Variants in ARSG observed in about 807,000 individuals in gnomAD.
The protein encoded by ARSG is arylsulfatase G, also known as ASG.
ARSG carries 37 observed loss-of-function variants against 50.5 expected under a neutral mutation model. The ratio of observed to expected loss-of-function variants is 0.73; its 90% CI spans 0.56 to 0.96. The LOEUF is 0.96. ARSG is among the 50% of genes least tolerant of loss of function. The pLI is 0.00. For missense variants in ARSG, 629 were observed against 675.3 expected, an observed-to-expected ratio of 0.93 and a Z score of 0.76; for synonymous variants, 225 against 254.6, an observed-to-expected ratio of 0.88 and a Z score of 1.11.
chr17:68,345,890 A>T (rs1164068969), intron 3 of ARSG, among the ~76,000 whole-genome samples: 1 of 151,966 alleles, frequency 6.6e-6, no homozygotes, highest in Non-Finnish European at 1.5e-5. Flanking sequence ...TTTTTTATTT[A>T]TTTGGGACAA....
intron 1 of ARSG, among the ~76,000 whole-genome samples, chr17:68,266,762 G>C (rs1303567435): frequency 6.6e-6 from 1 of 151,934 alleles, no homozygotes; most frequent in Non-Finnish European, 1.5e-5. Flanking sequence ...AGTGAGCTGA[G>C]ATTGTGCCAT....
chr17:68,389,323 C>T (rs79870580), intron 9 of ARSG, among the ~76,000 whole-genome samples: 3,644 of 152,184 alleles, frequency 0.024, 147 homozygotes, highest in African/African-American at 0.083. Context: ...CCTGCAACCC[C>T]GGTTCTCCCT....
chr17:68,423,893 T>C (rs148014557), downstream of ARSG, among the ~76,000 whole-genome samples: 48 of 152,326 alleles, frequency 3.2e-4, no homozygotes, highest in African/African-American at 1.1e-3. The surrounding 1 kb of genome is among the most constrained non-coding windows in gnomAD (Gnocchi z 4.4). Context: ...AAGAATCTAA[T>C]AATATTTTAT....
At chr17:68,276,734 G>A (rs576847098) in intron 1 of ARSG, among the ~76,000 whole-genome samples, 21 of 152,140 alleles carry the variant, frequency 1.4e-4, no homozygotes, top group Admixed American at 1.1e-3. Flanking sequence ...GATTACAGGC[G>A]TGAGCCACCA....
intron 9 of ARSG, among the ~76,000 whole-genome samples, chr17:68,387,115 A>G (rs1287820752): frequency 7.1e-6 from 1 of 140,944 alleles, no homozygotes; most frequent in Non-Finnish European, 1.5e-5. Context: ...ACACACACAC[A>G]CACATACCTT....
Position 68,418,292 on chromosome 17 carries a change from G to A in ARSG, c.1304-1897G>A, listed in dbSNP as rs369298005. Reference sequence around the variant, plus strand: ...CCTTAGTTTTACACTTTGTTAGGACGAGTCTTTCAGATTTTTCCCTTGATC... The same window carrying A: ...CCTTAGTTTTACACTTTGTTAGGACAAGTCTTTCAGATTTTTCCCTTGATC... On this transcript the variant is annotated intron_variant, in intron 11 of 11. Transcript: ENST00000621439. Among the ~76,000 whole-genome samples, 18 of 152,276 alleles carry A rather than the reference G, an allele frequency of 1.2e-4. No homozygotes were observed. In the South Asian group the frequency reaches 3.7e-3, roughly 32 times the overall value.
chr17:68,344,818 A>G (rs1373113476), intron 3 of ARSG, among the ~76,000 whole-genome samples: 1 of 152,204 alleles, frequency 6.6e-6, no homozygotes, highest in Admixed American at 6.5e-5. Context: ...TGCAACCACA[A>G]GCGGGTGGCC....
intron 2 of ARSG, 28 bp downstream of exon 2, chr17:68,307,739 T>A (rs535008182): frequency 8.1e-7 from 1 of 1,239,598 alleles, no homozygotes; most frequent in Non-Finnish European, 1.2e-6. Context: ...AGGCCAGCCT[T>A]TCTTTGGATG....
At chr17:68,437,003 A>ATATATATAT in the ARSG span, among the ~76,000 whole-genome samples, 746 of 60,270 alleles carry the variant, frequency 0.012, 10 homozygotes, top group Admixed American at 0.063. Flanking sequence ...CAAAAAAAAA[A>ATATATATAT]AAATATATAT....
At chr17:68,404,871 G>A (rs2081636798) in intron 11 of ARSG, among the ~76,000 whole-genome samples, 1 of 152,172 alleles carries the variant, frequency 6.6e-6, no homozygotes, top group African/African-American at 2.4e-5. Flanking sequence ...TGTGGCATAA[G>A]TAAGGGTCCA....
chr17:68,442,114 A>G, the ARSG span, among the ~76,000 whole-genome samples: 13 of 152,324 alleles, frequency 8.5e-5, no homozygotes. Flanking sequence ...GCAGAAAGTA[A>G]GGCAACCAGT....
At chr17:68,422,356 G>A (rs1486481421), downstream of ARSG, 1 of 155,318 alleles carries the variant, frequency 6.4e-6, no homozygotes, top group Non-Finnish European at 1.4e-5. Context: ...TTGAACCGGG[G>A]AGGTGGAGGC....
chr17:68,427,081 G>T, downstream of ARSG: 1 of 1,451,188 alleles, frequency 6.9e-7, no homozygotes, highest in Non-Finnish European at 9.7e-7. Flanking sequence ...GCAGGGAGAA[G>T]GGGAGGGAGG....
the ARSG span, chr17:68,435,621 T>A: frequency 6.2e-7 from 1 of 1,614,032 alleles, no homozygotes; most frequent in Non-Finnish European, 8.5e-7. Flanking sequence ...TGGACTCACT[T>A]TTTCAGACGC....
At chr17:68,355,481 C>G (rs2078988561) in intron 5 of ARSG, among the ~76,000 whole-genome samples, 1 of 152,224 alleles carries the variant, frequency 6.6e-6, no homozygotes, top group Non-Finnish European at 1.5e-5. Context: ...GCCTCAGCCT[C>G]CTGAGTAGCT....
chr17:68,358,981 A>G (rs1157602509), intron 6 of ARSG, among the ~76,000 whole-genome samples: 1 of 151,888 alleles, frequency 6.6e-6, no homozygotes, highest in Non-Finnish European at 1.5e-5. Context: ...GGCTAACACG[A>G]TGAAACCCCG....
intron 2 of ARSG, among the ~76,000 whole-genome samples, chr17:68,318,541 C>T (rs1452355500): frequency 1.2e-4 from 19 of 152,174 alleles, no homozygotes; most frequent in African/African-American, 3.9e-4. Flanking sequence ...GCCCAGTGAT[C>T]GTGAGAGAGA....
In ARSG at chr17:68,346,669, G is replaced by A. The variant is rs992047898; in HGVS notation, c.407-456G>A. The A allele has an allele frequency of 5.1e-6, 6 of 1,171,010 alleles. No individual in the cohort carries two copies. The South Asian group carries it at 9.2e-5, about 18-fold the overall frequency. 72.5% of individuals were successfully genotyped at this position (1,171,010 alleles called of 1,614,324 possible). A position where few individuals can be genotyped will look rare whatever the true frequency, so the allele number is the denominator to read the frequency against. Reference sequence around the variant, plus strand: ...CTCGGTGCTTGAACTGCGGGCTGCTGATGTTGGCCAGAGAGGAAGATGATG... The same window carrying A: ...CTCGGTGCTTGAACTGCGGGCTGCTAATGTTGGCCAGAGAGGAAGATGATG... On this transcript the variant is annotated intron_variant, in intron 3 of 11. Transcript: ENST00000621439.
intron 2 of ARSG, among the ~76,000 whole-genome samples, chr17:68,342,721 C>T (rs1422704117): frequency 6.6e-5 from 10 of 152,308 alleles, no homozygotes; most frequent in South Asian, 2.1e-4. Context: ...GAACACTACA[C>T]AGCACTTAGG....
Sources: gnomAD v4.1 joint callset for allele counts (sites outside exome capture counted in the v4.1 genomes callset) on GRCh38, gnomAD v4.1.1 for gene constraint, Gnocchi (gnomAD v3.1) non-coding constraint, MANE v1.5 for transcripts, NCBI Gene and HGNC (gene_info 2026-07-23, HGNC 2026-07-21) for gene names.